DBNL: variants seen among roughly 807,000 people sequenced by gnomAD.
The protein encoded by DBNL is drebrin-like protein.
A neutral mutation model predicts 62.2 loss-of-function variants in DBNL; 35 were observed. That is an observed-to-expected ratio of 0.56 (90% CI 0.43 to 0.75). The LOEUF is 0.75. DBNL is among the 30% of genes least tolerant of loss of function. The pLI, the probability that DBNL is intolerant of heterozygous loss-of-function variation, is 0.00. For missense variants in DBNL, 495 were observed against 578.4 expected (o/e 0.86, Z 1.48); for synonymous variants, 197 against 218.0 (o/e 0.90, Z 0.85).
rs897996376 is a variant in DBNL, at chr7:44,052,771, T to C, written c.253-96T>C. The C allele has an allele frequency of 1.9e-5, 28 of 1,469,600 alleles. No homozygotes were observed. The African/African-American group carries it at 3.6e-4, about 19-fold the overall frequency. 91.0% of individuals were successfully genotyped at this position (1,469,600 alleles called of 1,614,324 possible). A position where few individuals can be genotyped will look rare whatever the true frequency, so the allele number is the denominator to read the frequency against. On this transcript the variant is annotated intron_variant, in intron 3 of 12. Coordinates refer to ENST00000448521, the MANE Select transcript of DBNL (RefSeq NM_001014436.3). ...GGTTCTGCTTTGGGGGTTGCAGTTTTCTCTTTTCTGGGACACAGGGTAGAT... is the reference window on the plus strand; with the variant it reads ...GGTTCTGCTTTGGGGGTTGCAGTTTCCTCTTTTCTGGGACACAGGGTAGAT...
chr7:44,049,249 C>T (rs561639064), intron 1 of DBNL, among the ~76,000 whole-genome samples: 22 of 152,248 alleles, frequency 1.4e-4, no homozygotes, highest in South Asian at 2.1e-4. Flanking sequence ...CCCCGCCTCC[C>T]GGGTTCATGC....
In DBNL at chr7:44,064,801, A is replaced by AGGC; in HGVS notation, c.*3885_*3886insGGC. The AGGC allele has an allele frequency of 1.4e-6, 1 of 706,526 alleles. No homozygotes were observed. The highest frequency in any genetic ancestry group is 3.9e-5 in the East Asian group (1 of 25,342). The allele number at this position is 706,526 out of a possible 1,614,324, so 43.8% of individuals were successfully genotyped here. ...AGCCAGCTGGGGCTGCTGCCCACCC[A>AGGC]CCCTGCCCAGGCTCCTGAAGGTGGC... On this transcript the variant is annotated 3_prime_UTR_variant, in exon 13 of 13. Transcript: ENST00000448521.
chr7:44,051,208 A>G, intron 2 of DBNL: 1 of 152,670 alleles, frequency 6.6e-6, no homozygotes, highest in East Asian at 1.9e-4. Flanking sequence ...TCCTCCTTAT[A>G]ACCTGGAAAA....
intron 6 of DBNL, 26 bp downstream of exon 6, chr7:44,057,885 G>A (rs750132157): frequency 3.7e-6 from 6 of 1,613,848 alleles, no homozygotes; most frequent in Non-Finnish European, 5.1e-6. Flanking sequence ...GGGCATGCTG[G>A]GCACGTGGGA....
At position 44,065,476 on chromosome 7, in the gene DBNL, C is replaced by CT; in HGVS notation, c.*4561dup. Reference sequence around the variant, plus strand: ...CGAACCAGCCACAGAAACGGTTCTCCTGGTTCCATGTGCTCTCGCCGTGCC... The same window carrying CT: ...CGAACCAGCCACAGAAACGGTTCTCCTTGGTTCCATGTGCTCTCGCCGTGCC... On this transcript the variant is annotated 3_prime_UTR_variant, in exon 13 of 13. Transcript: ENST00000448521. The CT allele has an allele frequency of 3.1e-6, 5 of 1,614,136 alleles. No homozygotes were observed. Among genetic ancestry groups the CT allele is most frequent in the Non-Finnish European group, 4.2e-6 (5 of 1,180,032 alleles).
chr7:44,064,804 CT>C lies in DBNL; in HGVS notation c.*3889del. On this transcript the variant is annotated 3_prime_UTR_variant, in exon 13 of 13. Coordinates refer to ENST00000448521, the MANE Select transcript of DBNL (RefSeq NM_001014436.3). ...CAGCTGGGGCTGCTGCCCACCCACCCTGCCCAGGCTCCTGAAGGTGGCCTCA... is the reference window on the plus strand; with the variant it reads ...CAGCTGGGGCTGCTGCCCACCCACCCGCCCAGGCTCCTGAAGGTGGCCTCA... The C allele has an allele frequency of 1.4e-6, 2 of 1,437,748 alleles. No individual in the cohort carries two copies. The highest frequency in any genetic ancestry group is 1.4e-5 in the African/African-American group (1 of 71,948). 89.1% of individuals were successfully genotyped at this position (1,437,748 alleles called of 1,614,324 possible).
intron 6 of DBNL, 119 bp downstream of exon 6, chr7:44,057,978 C>A: frequency 6.5e-7 from 1 of 1,535,234 alleles, no homozygotes; most frequent in South Asian, 1.2e-5. Flanking sequence ...TACAGATGGT[C>A]ACACTGAGGC....
chr7:44,058,880 G>A (rs1281691010), intron 8 of DBNL, 22 bp from the exon 9 acceptor site: 2 of 1,613,856 alleles, frequency 1.2e-6, no homozygotes, highest in African/African-American at 1.3e-5. Context: ...CACTGCAGGG[G>A]TCAACATGTG....
chr7:44,050,657 C>T (rs562584966), intron 2 of DBNL: 15 of 197,836 alleles, frequency 7.6e-5, no homozygotes, highest in African/African-American at 3.2e-4. Context: ...GGTCTTGTGC[C>T]GAGTGCTTGC....
chr7:44,051,707 T>C, intron 2 of DBNL, 123 bp from the exon 3 acceptor site: 2 of 787,356 alleles, frequency 2.5e-6, no homozygotes, highest in Non-Finnish European at 4.1e-6. Flanking sequence ...CCTAGAAAGA[T>C]TCTGATACAG....
At chr7:44,051,801 C>T in intron 2 of DBNL, 29 bp from the exon 3 acceptor site, 1 of 1,611,498 alleles carries the variant, frequency 6.2e-7, no homozygotes, top group Non-Finnish European at 8.5e-7. Flanking sequence ...TCAGGGCCAC[C>T]CCTGACCTTC....
Position 44,064,619 on chromosome 7 carries a change from C to A in DBNL, c.*3703C>A. The A allele has an allele frequency of 1.7e-6, 1 of 590,220 alleles. No individual in the cohort carries two copies. Among genetic ancestry groups the A allele is most frequent in the East Asian group, 2.9e-5 (1 of 34,928 alleles). 36.6% of individuals were successfully genotyped at this position (590,220 alleles called of 1,614,324 possible). ...CTCGGGACACAGCGAGCTTCGAGTG[C>A]AGTCAGCCCCTGTGGAGTGTGTCCC... On this transcript the variant is annotated 3_prime_UTR_variant, in exon 13 of 13. Coordinates refer to ENST00000448521, the MANE Select transcript of DBNL (RefSeq NM_001014436.3).
At position 44,065,835 on chromosome 7, in the gene DBNL, C is replaced by T. The variant is rs573084613; in HGVS notation, c.*4919C>T. On this transcript the variant is annotated 3_prime_UTR_variant, in exon 13 of 13. Transcript: ENST00000448521. The stretch of plus-strand genomic sequence containing the variant: ...AGTGGGGCTGCTGGTCAGGGATGGG[C>T]GTGAAGGGCAGAAGTCTGGGCCAGG... 2.2e-5 allele frequency: 11 copies of T among 503,186 alleles called. No homozygotes were observed. The highest frequency in any genetic ancestry group is 6.5e-5 in the Admixed American group (2 of 30,888). The allele number at this position is 503,186 out of a possible 1,614,324, so 31.2% of individuals were successfully genotyped here.
In DBNL at chr7:44,060,358, A is replaced by G. The variant is rs761186077; in HGVS notation, c.1153+205A>G. Among the ~76,000 whole-genome samples, 1 of 152,084 alleles carries G rather than the reference A, an allele frequency of 6.6e-6. No individual in the cohort carries two copies. Among genetic ancestry groups the G allele is most frequent in the Non-Finnish European group, 1.5e-5 (1 of 67,964 alleles). The stretch of plus-strand genomic sequence containing the variant: ...TTCTGCACAGCCCAGGCCTCCCTAC[A>G]TGTTCCTCATTAGCTATTTGCTGGC... On this transcript the variant is annotated intron_variant, in intron 12 of 12. Transcript: ENST00000448521. This position sits in a 1 kb window ranked among gnomAD's most constrained non-coding sequence, Gnocchi z 6.3.
At position 44,062,038 on chromosome 7, in the gene DBNL, G is replaced by C. The variant is rs1435193569; in HGVS notation, c.*1122G>C. ...TGGCGTCAGGTACCTGGCACCCACT[G>C]AGCATCCGGGGAATTAGGTCCCTCC... On this transcript the variant is annotated 3_prime_UTR_variant, in exon 13 of 13. Coordinates refer to ENST00000448521, the MANE Select transcript of DBNL (RefSeq NM_001014436.3). 2 of 153,624 alleles carry C rather than the reference G, an allele frequency of 1.3e-5. No individual in the cohort carries two copies. The highest frequency in any genetic ancestry group is 2.9e-5 in the Non-Finnish European group (2 of 69,066). The allele number at this position is 153,624 out of a possible 1,614,324, so 9.5% of individuals were successfully genotyped here.
chr7:44,049,449 A>C (rs1201430274), intron 1 of DBNL, among the ~76,000 whole-genome samples: 1 of 152,220 alleles, frequency 6.6e-6, no homozygotes, highest in Non-Finnish European at 1.5e-5. Context: ...GGCGTGAGCC[A>C]CTGCGCCCAG....
chr7:44,065,852 T>A lies in DBNL; in HGVS notation c.*4936T>A. 1 of 475,258 alleles carries A rather than the reference T, an allele frequency of 2.1e-6. No homozygotes were observed. 29.4% of individuals were successfully genotyped at this position (475,258 alleles called of 1,614,324 possible). On this transcript the variant is annotated 3_prime_UTR_variant, in exon 13 of 13. Transcript: ENST00000448521. ...GGGATGGGCGTGAAGGGCAGAAGTC[T>A]GGGCCAGGGGAGATGGGGATAGCAG...
At position 44,064,793 on chromosome 7, in the gene DBNL, G is replaced by GGCCCCCCCCCCAACC; in HGVS notation, c.*3877_*3878insGCCCCCCCCCCAACC. 1 of 1,136,982 alleles carries GGCCCCCCCCCCAACC rather than the reference G, an allele frequency of 8.8e-7. No homozygotes were observed. The allele number at this position is 1,136,982 out of a possible 1,614,324, so 70.4% of individuals were successfully genotyped here. On this transcript the variant is annotated 3_prime_UTR_variant, in exon 13 of 13. Transcript: ENST00000448521. ...AGATGAGAAGCCAGCTGGGGCTGCT[G>GGCCCCCCCCCCAACC]CCCACCCACCCTGCCCAGGCTCCTG...
In DBNL at chr7:44,065,025, G is replaced by A; in HGVS notation, c.*4109G>A. 1 of 1,606,714 alleles carries A rather than the reference G, an allele frequency of 6.2e-7. No homozygotes were observed. Among genetic ancestry groups the A allele is most frequent in the Non-Finnish European group, 8.5e-7 (1 of 1,179,566 alleles). On this transcript the variant is annotated 3_prime_UTR_variant, in exon 13 of 13. Coordinates refer to ENST00000448521, the MANE Select transcript of DBNL (RefSeq NM_001014436.3). ...CGTACCGACGCTCCTGGGGGACACA[G>A]GCACGCTGCTTTCCCTCCCAAGCCA...
Sources: allele counts gnomAD v4.1 joint callset (sites outside exome capture counted in the v4.1 genomes callset), GRCh38; gene constraint gnomAD v4.1.1; non-coding constraint Gnocchi (gnomAD v3.1); transcripts MANE v1.5; gene names NCBI Gene and HGNC (gene_info 2026-07-23, HGNC 2026-07-21).